Variants in OPRM1 observed in about 807,000 individuals in gnomAD.
The protein encoded by OPRM1 is opioid receptor mu 1.
A neutral mutation model predicts 31.8 loss-of-function variants in OPRM1; 27 were observed. The observed-to-expected ratio is 0.85, with a 90% confidence interval of 0.63 to 1.17. OPRM1 has a LOEUF of 1.17. OPRM1 is among the 50% of genes most tolerant of loss of function. The probability of loss-of-function intolerance (pLI) is 0.00; values close to 1 mark genes in which losing one functional copy is unlikely to be tolerated. For synonymous variants in OPRM1, 196 were observed against 189.9 expected, an observed-to-expected ratio of 1.03 and a Z score of -0.26; for missense variants, 536 against 511.1, an observed-to-expected ratio of 1.05 and a Z score of -0.47.
At chr6:154,081,372 G>A (rs960612111) in intron 1 of OPRM1, among the ~76,000 whole-genome samples, 20 of 152,198 alleles carry the variant, frequency 1.3e-4, no homozygotes, top group Non-Finnish European at 8.8e-5. Context: ...CAGGCGTGGT[G>A]GCGGGCGCCT....
At chr6:154,151,863 G>A (rs62436491) in intron 3 of OPRM1, among the ~76,000 whole-genome samples, 7,223 of 152,076 alleles carry the variant, frequency 0.047, 295 homozygotes, top group South Asian at 0.19. Flanking sequence ...AGGTTCGTTC[G>A]TTTGTTTGAA....
At chr6:154,094,953 C>T (rs189533687) in intron 3 of OPRM1, among the ~76,000 whole-genome samples, 1 of 152,290 alleles carries the variant, frequency 6.6e-6, no homozygotes, top group East Asian at 1.9e-4. Flanking sequence ...GGGCAGGAGC[C>T]GTGTCTGTCT....
rs1306658311 is a variant in OPRM1, at chr6:154,065,285, G to A, written c.291-24541G>A. On this transcript the variant is annotated intron_variant, in intron 1 of 3. Transcript: ENST00000330432. ...CTGCCTCACCCTCCCAAGTAGCTGG[G>A]ACTACAGCTGTGTGCCACCATGCCT... is the stretch of plus-strand genomic sequence containing the variant. Among the ~76,000 whole-genome samples, 4 of 151,894 alleles carry A rather than the reference G, an allele frequency of 2.6e-5. No homozygotes were observed. In the East Asian group the frequency reaches 7.7e-4, roughly 29 times the overall value.
chr6:154,079,522 A>G (rs900941878), intron 1 of OPRM1, among the ~76,000 whole-genome samples: 14 of 152,160 alleles, frequency 9.2e-5, no homozygotes, highest in African/African-American at 3.4e-4. Context: ...AATATGTGGG[A>G]TGAGGCTCAA....
upstream of OPRM1, among the ~76,000 whole-genome samples, chr6:154,036,811 G>A (rs1208179893): frequency 1.5e-4 from 23 of 151,262 alleles, no homozygotes; most frequent in Non-Finnish European, 1.5e-5. Context: ...TAAAATATAT[G>A]CTAATCATTT....
chr6:154,021,924 TC>T (rs1190790692), intron 1 of OPRM1, among the ~76,000 whole-genome samples: 2 of 152,318 alleles, frequency 1.3e-5, no homozygotes, highest in African/African-American at 4.8e-5. Flanking sequence ...TCTATTTTTT[TC>T]TTCTTCTTCC....
chr6:154,244,498 C>A (rs539928267), intron 3 of OPRM1, among the ~76,000 whole-genome samples: 3 of 152,284 alleles, frequency 2.0e-5, no homozygotes, highest in South Asian at 4.1e-4. Flanking sequence ...GCTTTGCAAC[C>A]TGAATATTGC....
chr6:154,022,453 T>A (rs750457200), intron 1 of OPRM1, among the ~76,000 whole-genome samples: 2 of 126,514 alleles, frequency 1.6e-5, no homozygotes, highest in Non-Finnish European at 3.2e-5. Flanking sequence ...TTCTGTTTAT[T>A]AATCTCTTGT....
At chr6:154,088,422 A>AT (rs1791182548) in intron 1 of OPRM1, among the ~76,000 whole-genome samples, 2 of 152,180 alleles carry the variant, frequency 1.3e-5, no homozygotes, top group Admixed American at 1.3e-4. Flanking sequence ...AGAGGTTGAC[A>AT]TTTTTTTCTG....
At chr6:154,013,842 T>C (rs1466372964) in intron 1 of OPRM1, among the ~76,000 whole-genome samples, 1 of 152,106 alleles carries the variant, frequency 6.6e-6, no homozygotes, top group Non-Finnish European at 1.5e-5. Context: ...GGAAGACATG[T>C]GGAAAGAGCC....
rs76181157 is a variant in OPRM1, at chr6:154,039,581, T to G, written c.37T>G (p.Cys13Gly). 6 of 1,613,676 alleles carry G rather than the reference T, an allele frequency of 3.7e-6. No individual in the cohort carries two copies. The Admixed American group carries it at 6.7e-5, about 18-fold the overall frequency. Residue 13 changes from cysteine (C) to glycine (G), a missense_variant, in exon 1 of 4, where the codon TGC becomes GGC. Cys to Gly is a radical substitution (Grantham distance 159, BLOSUM62 -3). Coordinates refer to ENST00000330432, the MANE Select transcript of OPRM1 (RefSeq NM_000914.5). ...SSAAPTNASN[C>G]TDALAYSSCS... is the part of the protein sequence containing the mutation. ...CGCTGCCCCCACGAACGCCAGCAAT[T>G]GCACTGATGCCTTGGCGTACTCAAG...
chr6:154,159,748 T>G (rs1032859995), intron 3 of OPRM1: 1 of 1,138,164 alleles, frequency 8.8e-7, no homozygotes, highest in South Asian at 1.4e-5. Flanking sequence ...GTTTTCCTTT[T>G]AAGGAAAAAT....
intron 3 of OPRM1, among the ~76,000 whole-genome samples, chr6:154,180,412 A>T (rs13196909): frequency 0.28 from 14,254 of 50,460 alleles, 829 homozygotes; most frequent in East Asian, 0.44. Flanking sequence ...ATATATATAT[A>T]TATTTTTTTT....
In OPRM1 at chr6:154,223,370, C is replaced by G. The variant is rs935431844; in HGVS notation, c.1165-23323C>G. The G allele has an allele frequency of 7.3e-5, 53 of 725,934 alleles. No individual in the cohort carries two copies. In the African/African-American group the frequency reaches 7.5e-4, roughly 10 times the overall value. The allele number at this position is 725,934 out of a possible 1,614,324, so 45.0% of individuals were successfully genotyped here. On this transcript the variant is annotated intron_variant, in intron 3 of 3. Transcript: ENST00000337049. ...GGGAGAATCAAGAGATACCAACCAC[C>G]CTGAATCACCATGGAGGTGTCCCAG...
chr6:154,074,314 T>C (rs1036129577), intron 1 of OPRM1: 2 of 152,222 alleles, frequency 1.3e-5, no homozygotes. Flanking sequence ...CTCTGAACAG[T>C]ATCTGACACA....
Position 154,124,018 on chromosome 6 carries a change from A to C in OPRM1, c.*5297A>C, listed in dbSNP as rs900144437. Among the ~76,000 whole-genome samples the C allele has an allele frequency of 6.6e-6, 1 of 152,174 alleles. No individual in the cohort carries two copies. Among genetic ancestry groups the C allele is most frequent in the Non-Finnish European group, 1.5e-5 (1 of 68,032 alleles). ...CTCAGCCTTATTTTACCCAGCCTCT[A>C]TTCAAGATGGAGTCGCTCTGGTTCA... On this transcript the variant is annotated 3_prime_UTR_variant, in exon 4 of 4. Coordinates refer to ENST00000330432, the MANE Select transcript of OPRM1 (RefSeq NM_000914.5).
At chr6:154,180,440 T>C (rs888782677) in intron 3 of OPRM1, among the ~76,000 whole-genome samples, 5 of 149,586 alleles carry the variant, frequency 3.3e-5, no homozygotes, top group Non-Finnish European at 5.9e-5. Context: ...TGATCCTTCT[T>C]GGTGACATTA....
intron 1 of OPRM1, among the ~76,000 whole-genome samples, chr6:154,025,192 G>A (rs930657197): frequency 4.0e-5 from 6 of 151,778 alleles, no homozygotes; most frequent in Non-Finnish European, 5.9e-5. Flanking sequence ...TTTATATATC[G>A]GGGTGCCCAA....
intron 1 of OPRM1, among the ~76,000 whole-genome samples, chr6:154,071,780 A>G (rs1264622529): frequency 2.0e-5 from 3 of 152,240 alleles, no homozygotes; most frequent in South Asian, 2.1e-4. Flanking sequence ...GCAGTGGTCA[A>G]TGACAATAAG....
Sources: gnomAD v4.1 joint callset for allele counts (sites outside exome capture counted in the v4.1 genomes callset) on GRCh38, gnomAD v4.1.1 for gene constraint, MANE v1.5 for transcripts, NCBI Gene and HGNC (gene_info 2026-07-23, HGNC 2026-07-21) for gene names.